Variants in STPG2 observed in about 807,000 individuals in gnomAD.
STPG2 encodes the protein sperm-tail PG-rich repeat-containing protein 2.
A neutral mutation model predicts 54.2 loss-of-function variants in STPG2; 56 were observed. The ratio of observed to expected loss-of-function variants is 1.03; its 90% CI spans 0.83 to 1.29. STPG2 has a LOEUF of 1.29. STPG2 is among the 50% of genes most tolerant of loss of function. The probability of loss-of-function intolerance (pLI) is 0.00; values close to 1 mark genes in which losing one functional copy is unlikely to be tolerated. For missense variants in STPG2, 596 were observed against 544.9 expected (o/e 1.09, Z -0.93); for synonymous variants, 200 against 181.8 (o/e 1.10, Z -0.81).
intron 3 of STPG2, among the ~76,000 whole-genome samples, chr4:98,123,309 T>C (rs898137933): frequency 6.6e-6 from 1 of 151,908 alleles, no homozygotes; most frequent in Admixed American, 6.6e-5. Context: ...CTTTCTAGCT[T>C]TTTAATGTGG....
intron 5 of STPG2, among the ~76,000 whole-genome samples, chr4:98,035,661 G>A (rs1041594013): frequency 3.3e-5 from 5 of 152,146 alleles, no homozygotes; most frequent in African/African-American, 1.2e-4. Flanking sequence ...GTTTATTGCG[G>A]CATTGTTCAC....
intron 5 of STPG2, among the ~76,000 whole-genome samples, chr4:98,104,293 C>T (rs1213183390): frequency 2.6e-5 from 4 of 152,020 alleles, no homozygotes; most frequent in Admixed American, 2.6e-4. Flanking sequence ...TCCCTCATTG[C>T]CTGAAAATTT....
intron 10 of STPG2, among the ~76,000 whole-genome samples, chr4:97,638,665 C>T (rs1721650482): frequency 7.1e-6 from 1 of 141,526 alleles, no homozygotes; most frequent in Non-Finnish European, 1.5e-5. Flanking sequence ...ACAAACAACC[C>T]CATCAAAAAG....
At chr4:97,583,326 G>A (rs1307855969) in intron 10 of STPG2, among the ~76,000 whole-genome samples, 1 of 151,952 alleles carries the variant, frequency 6.6e-6, no homozygotes, top group Non-Finnish European at 1.5e-5. Context: ...TACACTGTCA[G>A]TTAACTAGCA....
At chr4:97,500,779 C>T (rs574397038) in intron 4 of STPG2, among the ~76,000 whole-genome samples, 1 of 151,996 alleles carries the variant, frequency 6.6e-6, no homozygotes, top group African/African-American at 2.4e-5. Context: ...CTGAATGTAG[C>T]CACACGGTGA....
At chr4:98,022,322 C>A (rs1736240976) in intron 5 of STPG2, among the ~76,000 whole-genome samples, 1 of 151,822 alleles carries the variant, frequency 6.6e-6, no homozygotes, top group Non-Finnish European at 1.5e-5. Context: ...AAATTCTTTT[C>A]TTTAAGAATG....
At chr4:97,866,904 G>A (rs529311405) in intron 8 of STPG2, among the ~76,000 whole-genome samples, 1 of 147,160 alleles carries the variant, frequency 6.8e-6, no homozygotes, top group Non-Finnish European at 1.5e-5. Flanking sequence ...GACAGTTGCA[G>A]CAAGGTAAAA....
At chr4:97,953,070 G>C (rs182654858) in intron 7 of STPG2, among the ~76,000 whole-genome samples, 1 of 152,282 alleles carries the variant, frequency 6.6e-6, no homozygotes, top group African/African-American at 2.4e-5. Flanking sequence ...TCTGTCCTTT[G>C]TGTTAAGCTA....
intron 5 of STPG2, among the ~76,000 whole-genome samples, chr4:98,019,243 C>A (rs1736085676): frequency 1.3e-5 from 2 of 152,152 alleles, no homozygotes; most frequent in East Asian, 3.9e-4. Flanking sequence ...ATATGGCTAG[C>A]CAGGTGCCAG....
At chr4:97,467,380 T>C (rs1454816467) in intron 4 of STPG2, among the ~76,000 whole-genome samples, 1 of 151,852 alleles carries the variant, frequency 6.6e-6, no homozygotes, top group Non-Finnish European at 1.5e-5. Context: ...CTCTTCTTCC[T>C]TTATTCATAT....
intron 8 of STPG2, among the ~76,000 whole-genome samples, chr4:97,930,893 C>A (rs1211522516): frequency 2.0e-5 from 3 of 152,038 alleles, no homozygotes; most frequent in South Asian, 2.1e-4. Context: ...ATTTTAGAGA[C>A]CTTTCACCTC....
At chr4:97,496,002 T>C (rs1039161870) in intron 4 of STPG2, among the ~76,000 whole-genome samples, 2 of 151,502 alleles carry the variant, frequency 1.3e-5, no homozygotes, top group Non-Finnish European at 3.0e-5. Flanking sequence ...ATTAAACAAA[T>C]ACTCCAAAAT....
intron 4 of STPG2, among the ~76,000 whole-genome samples, chr4:97,498,773 G>A (rs1299974193): frequency 1.3e-5 from 2 of 151,300 alleles, no homozygotes; most frequent in Admixed American, 6.6e-5. Context: ...TTCTTGCAAA[G>A]ATAGGATAAA....
chr4:97,804,548 T>A (rs1727495361), intron 9 of STPG2, among the ~76,000 whole-genome samples: 1 of 152,160 alleles, frequency 6.6e-6, no homozygotes, highest in South Asian at 2.1e-4. Flanking sequence ...TGCTTTAAAC[T>A]AAGCATTATT....
chr4:97,882,529 G>C (rs1290672626), intron 8 of STPG2, among the ~76,000 whole-genome samples: 1 of 152,142 alleles, frequency 6.6e-6, no homozygotes, highest in African/African-American at 2.4e-5. Context: ...AGATACCCAA[G>C]GTCATGGATC....
intron 8 of STPG2, among the ~76,000 whole-genome samples, chr4:97,906,292 T>C (rs1019868094): frequency 1.3e-5 from 2 of 152,130 alleles, no homozygotes; most frequent in Non-Finnish European, 2.9e-5. Context: ...CCTCGAAACA[T>C]ACACCCTCCC....
chr4:98,066,594 A>T (rs1412837414), intron 5 of STPG2, among the ~76,000 whole-genome samples: 4 of 152,194 alleles, frequency 2.6e-5, no homozygotes, highest in African/African-American at 7.2e-5. Flanking sequence ...ATCTTTAAAA[A>T]AAAATAAAAT....
At chr4:97,704,937 GA>G (rs1217426206) in intron 10 of STPG2, among the ~76,000 whole-genome samples, 2 of 151,734 alleles carry the variant, frequency 1.3e-5, no homozygotes, top group Non-Finnish European at 2.9e-5. Flanking sequence ...AATTTATCAA[GA>G]AAAAATATGG....
At chr4:98,009,453 A>G (rs138490962) in intron 5 of STPG2, among the ~76,000 whole-genome samples, 33 of 152,168 alleles carry the variant, frequency 2.2e-4, no homozygotes, top group African/African-American at 7.0e-4. Flanking sequence ...GATACTTAAT[A>G]TAGTTTCACT....
Sources: gnomAD v4.1 joint callset for allele counts (sites outside exome capture counted in the v4.1 genomes callset) on GRCh38, gnomAD v4.1.1 for gene constraint, MANE v1.5 for transcripts, NCBI Gene and HGNC (gene_info 2026-07-23, HGNC 2026-07-21) for gene names.